MYH15: variants seen among roughly 807,000 people sequenced by gnomAD.
MYH15 encodes myosin heavy chain 15.
MYH15 carries 227 observed loss-of-function variants against 240.5 expected under a neutral mutation model. The ratio of observed to expected loss-of-function variants is 0.94; its 90% confidence interval spans 0.85 to 1.05. The LOEUF (loss-of-function observed/expected upper bound fraction) is 1.05. Ranked by LOEUF, MYH15 falls within the 50% of genes least tolerant of loss-of-function variation. MYH15 has a pLI of 0.00. For synonymous variants in MYH15, 785 were observed against 796.7 expected (o/e 0.99, Z 0.25); for missense variants, 2,217 against 2,247.5 (o/e 0.99, Z 0.27).
chr3:108,532,978 T>A (rs1342136480), upstream of MYH15, among the ~76,000 whole-genome samples: 2 of 152,158 alleles, frequency 1.3e-5, no homozygotes, highest in East Asian at 3.8e-4. Context: ...TGACAGTGAT[T>A]ATGATGATAG....
chr3:108,534,965 A>C, the MYH15 span, among the ~76,000 whole-genome samples: 1 of 152,158 alleles, frequency 6.6e-6, no homozygotes, highest in African/African-American at 2.4e-5. Flanking sequence ...TTGGTATTTC[A>C]GTTCTTCTGT....
chr3:108,477,511 CTT>C (rs993442036), intron 11 of MYH15, among the ~76,000 whole-genome samples: 5 of 152,082 alleles, frequency 3.3e-5, no homozygotes, highest in African/African-American at 1.2e-4. Flanking sequence ...GAAACAGAAT[CTT>C]TTAAAAATTG....
At chr3:108,475,604 C>T (rs1576257439) in intron 12 of MYH15, among the ~76,000 whole-genome samples, 1 of 152,138 alleles carries the variant, frequency 6.6e-6, no homozygotes, top group African/African-American at 2.4e-5. Flanking sequence ...TGGCATAGAA[C>T]TACAAAGAAC....
At chr3:108,476,376 G>T in intron 12 of MYH15, 21 bp downstream of exon 12, 1 of 1,335,480 alleles carries the variant, frequency 7.5e-7, no homozygotes, top group Non-Finnish European at 1.1e-6. Context: ...GAATAATAAT[G>T]CTCTTGAAAT....
intron 29 of MYH15, among the ~76,000 whole-genome samples, chr3:108,416,307 A>G (rs753682465): frequency 6.6e-6 from 1 of 152,204 alleles, no homozygotes; most frequent in Admixed American, 6.5e-5. Flanking sequence ...ATTCATTTAA[A>G]TATCAGGGCT....
At chr3:108,435,679 G>A (rs2082825069) in intron 25 of MYH15, among the ~76,000 whole-genome samples, 1 of 129,512 alleles carries the variant, frequency 7.7e-6, no homozygotes, top group Admixed American at 7.5e-5. Flanking sequence ...CACTGTGTAT[G>A]TATATTTTAT....
In MYH15 at chr3:108,381,316, T is replaced by C. The variant is rs1248552035; in HGVS notation, c.*229A>G. The C allele has an allele frequency of 1.7e-6, 1 of 587,200 alleles. No individual in the cohort carries two copies. The highest frequency in any genetic ancestry group is 3.0e-5 in the Admixed American group (1 of 33,696). The allele number at this position is 587,200 out of a possible 1,614,324, so 36.4% of individuals were successfully genotyped here. On this transcript the variant is annotated 3_prime_UTR_variant, in exon 41 of 41. Transcript: ENST00000693548. The stretch of plus-strand genomic sequence containing the variant: ...GTTCTTCCATTTATTTAATCTGTCA[T>C]GTGAAGCATTAGAAGGTAGTTTACT...
chr3:108,540,482 A>G, the MYH15 span, among the ~76,000 whole-genome samples: 1 of 152,206 alleles, frequency 6.6e-6, no homozygotes, highest in Non-Finnish European at 1.5e-5. Context: ...TAAGGTTATT[A>G]GTTACTGAAG....
intron 36 of MYH15, among the ~76,000 whole-genome samples, chr3:108,392,570 A>C (rs2082429696): frequency 6.6e-6 from 1 of 152,230 alleles, no homozygotes; most frequent in Non-Finnish European, 1.5e-5. Context: ...TGGCCCTCAC[A>C]GCCCAAGCTT....
At position 108,500,061 on chromosome 3, in the gene MYH15, A is replaced by G; in HGVS notation, c.496+57T>C. 2.6e-6 allele frequency: 4 copies of G among 1,553,952 alleles called. No homozygotes were observed. In the South Asian group the frequency reaches 4.9e-5, roughly 19 times the overall value. ...CAATGCCTAAGTGCCTCTTAGGGAC[A>G]TAGAGAAAAAGTAGATCAGATATTT... On this transcript the variant is annotated intron_variant, in intron 4 of 40. Coordinates refer to ENST00000693548, the MANE Select transcript of MYH15 (RefSeq NM_014981.3).
intron 33 of MYH15, among the ~76,000 whole-genome samples, chr3:108,403,496 CTTTTT>C (rs34668097): frequency 6.7e-5 from 9 of 133,434 alleles, no homozygotes; most frequent in East Asian, 2.2e-4. Flanking sequence ...TTGTGTTTGG[CTTTTT>C]TTTTTTTTTT....
chr3:108,503,064 T>C (rs1245164213), intron 2 of MYH15, among the ~76,000 whole-genome samples: 2 of 152,168 alleles, frequency 1.3e-5, no homozygotes, highest in Non-Finnish European at 2.9e-5. Flanking sequence ...TGATTGGAAG[T>C]GTAGTCACTT....
chr3:108,410,792 G>A lies in MYH15; in HGVS notation c.4286C>T (p.Ser1429Phe). ...DALSDLGKVR[S>F]AAARLDQKQL... is the part of the protein sequence containing the mutation. ...CTTCTGGTCCAGCCTGGCTGCTGCA[G>A]AGCGGACCTTCCCGAGGTCAGACAG... The change falls in exon 31 of 41, where the codon TCT becomes TTT. Residue 1429 changes from serine to phenylalanine, a missense_variant. Physicochemically the swap from Ser to Phe is radical, Grantham distance 155. Coordinates refer to ENST00000693548, the MANE Select transcript of MYH15 (RefSeq NM_014981.3). 1 of 1,614,150 alleles carries A rather than the reference G, an allele frequency of 6.2e-7. No individual in the cohort carries two copies. Among genetic ancestry groups the A allele is most frequent in the Non-Finnish European group, 8.5e-7 (1 of 1,179,982 alleles).
In MYH15 at chr3:108,445,011, G is replaced by A. The variant is rs906519945; in HGVS notation, c.2400-116C>T. Reference sequence around the variant, plus strand: ...TAGGAGTCATAAAAAATTCTTATTAGTCTTCAAAGCACTTTTATATCTGGA... The same window carrying A: ...TAGGAGTCATAAAAAATTCTTATTAATCTTCAAAGCACTTTTATATCTGGA... On this transcript the variant is annotated intron_variant, in intron 21 of 40. Transcript: ENST00000693548. 6.5e-5 allele frequency: 77 copies of A among 1,182,910 alleles called. No individual in the cohort carries two copies. The African/African-American group carries it at 1.1e-3, about 16-fold the overall frequency. The allele number at this position is 1,182,910 out of a possible 1,614,324, so 73.3% of individuals were successfully genotyped here.
In MYH15 at chr3:108,398,807, G is replaced by A; in HGVS notation, c.4963C>T (p.Leu1655=). 6 of 1,614,210 alleles carry A rather than the reference G, an allele frequency of 3.7e-6. No homozygotes were observed. Among genetic ancestry groups the A allele is most frequent in the Non-Finnish European group, 5.1e-6 (6 of 1,180,042 alleles). ...ACCTGCTCCTTCAGATCACTGTTCAGTTGTGTGCTGTCATCCAGCTGCATT... is the reference window on the plus strand; with the variant it reads ...ACCTGCTCCTTCAGATCACTGTTCAATTGTGTGCTGTCATCCAGCTGCATT... ...LQMQLDDSTQ[L]NSDLKEQVAV... is the part of the protein sequence containing the mutation. Residue 1655 remains leucine (L), a synonymous_variant, in exon 35 of 41, where the codon CTG becomes TTG. Coordinates refer to ENST00000693548, the MANE Select transcript of MYH15 (RefSeq NM_014981.3).
intron 21 of MYH15, among the ~76,000 whole-genome samples, chr3:108,452,613 T>G (rs2082983631): frequency 6.6e-6 from 1 of 152,140 alleles, no homozygotes; most frequent in Non-Finnish European, 1.5e-5. Flanking sequence ...TAAGCACATG[T>G]AAAATCATGT....
chr3:108,463,247 T>C lies in MYH15; in HGVS notation c.1732-4A>G. 1 of 1,600,972 alleles carries C rather than the reference T, an allele frequency of 6.2e-7. No individual in the cohort carries two copies. The highest frequency in any genetic ancestry group is 8.5e-7 in the Non-Finnish European group (1 of 1,176,492). On this transcript the variant is annotated splice_polypyrimidine_tract_variant and splice_region_variant and intron_variant, in intron 15 of 40. Transcript: ENST00000693548. ...AACCACTGATATTATAAGGTACCTT[T>C]GGAAAGGCATGCATTTCAGGTTAAA...
In MYH15 at chr3:108,485,099, C is replaced by T; in HGVS notation, c.1106G>A (p.Gly369Asp). The change falls in exon 11 of 41, where the codon GGC (glycine) becomes GAC (aspartate). Residue 369 changes from glycine to aspartate, a missense_variant. Coordinates refer to ENST00000693548, the MANE Select transcript of MYH15 (RefSeq NM_014981.3). ...KPREEQLEADGTENADKAAFL... is the reference protein window; with the variant it reads ...KPREEQLEADDTENADKAAFL... ...TTCAAAGTAATTCTTACTTTCTGTG[C>T]CATCTGCTTCCAGTTGCTCTTCTCT... 1 of 1,613,874 alleles carries T rather than the reference C, an allele frequency of 6.2e-7. No homozygotes were observed.
chr3:108,394,294 G>A (rs2082443071), intron 35 of MYH15, 138 bp from the exon 36 acceptor site: 10 of 1,091,476 alleles, frequency 9.2e-6, no homozygotes, highest in Non-Finnish European at 1.3e-5. Context: ...CCCTTAAGCA[G>A]TGCTCCCAAT....
Sources: gnomAD v4.1 joint callset for allele counts (sites outside exome capture counted in the v4.1 genomes callset) on GRCh38, gnomAD v4.1.1 for gene constraint, MANE v1.5 for transcripts, NCBI Gene and HGNC (gene_info 2026-07-23, HGNC 2026-07-21) for gene names.